The following SUCLG2 variants were observed in gnomAD, a reference collection of about 807,000 sequenced individuals.
SUCLG2 encodes the protein succinate--CoA ligase [GDP-forming] subunit beta, mitochondrial.
In SUCLG2, 42 loss-of-function variants were observed where a neutral mutation model predicts 47.9. The observed-to-expected ratio is 0.88, with a 90% CI of 0.69 to 1.14. SUCLG2 has a LOEUF of 1.14. Ranked by LOEUF, SUCLG2 falls within the 50% of genes most tolerant of loss-of-function variation. The probability of loss-of-function intolerance (pLI) is 0.00; values close to 1 mark genes in which losing one functional copy is unlikely to be tolerated. For synonymous variants in SUCLG2, 195 were observed against 197.3 expected (o/e 0.99, Z 0.10); for missense variants, 571 against 525.9 (o/e 1.09, Z -0.84).
chr3:67,410,967 G>A (rs140994346), intron 9 of SUCLG2, among the ~76,000 whole-genome samples: 4 of 152,216 alleles, frequency 2.6e-5, no homozygotes, highest in African/African-American at 9.6e-5. Context: ...GCCATATTTT[G>A]TTCAATCATC....
chr3:67,408,737 A>C, intron 9 of SUCLG2: 1 of 1,327,610 alleles, frequency 7.5e-7, no homozygotes, highest in South Asian at 2.2e-5. Flanking sequence ...ATTAAGGTTT[A>C]TTGAGTGTTA....
intron 9 of SUCLG2, among the ~76,000 whole-genome samples, chr3:67,478,763 C>T (rs371231768): frequency 3.3e-5 from 5 of 152,182 alleles, no homozygotes; most frequent in South Asian, 2.1e-4. Context: ...TCAAAGTACA[C>T]GAGTTCCTGA....
chr3:67,584,525 T>C (rs1707961536), intron 2 of SUCLG2, among the ~76,000 whole-genome samples: 1 of 152,214 alleles, frequency 6.6e-6, no homozygotes, highest in Non-Finnish European at 1.5e-5. Context: ...AATATCATGA[T>C]ACCATGTTTT....
intron 2 of SUCLG2, among the ~76,000 whole-genome samples, chr3:67,601,164 C>A (rs1231420816): frequency 1.3e-5 from 2 of 151,760 alleles, no homozygotes; most frequent in Non-Finnish European, 2.9e-5. Flanking sequence ...AGTACCTCAC[C>A]AAATTTATAA....
chr3:67,376,253 C>CATAGTT, intron 10 of SUCLG2: 20 of 985,404 alleles, frequency 2.0e-5, no homozygotes, highest in Non-Finnish European at 2.4e-5. Flanking sequence ...CGAGAATCTG[C>CATAGTT]CCAGCTATGT....
At chr3:67,524,538 T>C (rs1011280015) in intron 4 of SUCLG2, among the ~76,000 whole-genome samples, 1 of 152,192 alleles carries the variant, frequency 6.6e-6, no homozygotes, top group Non-Finnish European at 1.5e-5. Flanking sequence ...CAGGAATACA[T>C]AACACATTGG....
chr3:67,642,487 G>A (rs1472230393), intron 1 of SUCLG2, among the ~76,000 whole-genome samples: 1 of 152,078 alleles, frequency 6.6e-6, no homozygotes, highest in Non-Finnish European at 1.5e-5. Context: ...GCATGCACCT[G>A]TAGTCCCAGC....
chr3:67,517,919 G>T (rs151270034), intron 6 of SUCLG2, among the ~76,000 whole-genome samples: 2 of 152,038 alleles, frequency 1.3e-5, no homozygotes, highest in Admixed American at 1.3e-4. Context: ...ACTAAAGTTC[G>T]AATGAGCTGT....
At chr3:67,430,129 C>G (rs1703436670) in intron 9 of SUCLG2, among the ~76,000 whole-genome samples, 1 of 152,174 alleles carries the variant, frequency 6.6e-6, no homozygotes, top group South Asian at 2.1e-4. Flanking sequence ...TTCTGCACCC[C>G]AAATCAACAG....
chr3:67,564,783 G>A (rs1707408526), intron 2 of SUCLG2, among the ~76,000 whole-genome samples: 1 of 152,130 alleles, frequency 6.6e-6, no homozygotes, highest in Admixed American at 6.5e-5. Context: ...TTCCACTATG[G>A]CCCAAGGAAG....
At chr3:67,579,474 A>G (rs1707827650) in intron 2 of SUCLG2, among the ~76,000 whole-genome samples, 1 of 152,190 alleles carries the variant, frequency 6.6e-6, no homozygotes, top group Non-Finnish European at 1.5e-5. Context: ...ATCATTTTTT[A>G]AAAATCTTAT....
At chr3:67,633,509 T>C (rs113836201) in intron 1 of SUCLG2, among the ~76,000 whole-genome samples, 9 of 152,210 alleles carry the variant, frequency 5.9e-5, no homozygotes, top group African/African-American at 1.9e-4. Context: ...TCATGTTCTA[T>C]AGCCTATAAA....
intron 1 of SUCLG2, among the ~76,000 whole-genome samples, chr3:67,612,238 A>T (rs780424511): frequency 6.6e-6 from 1 of 152,150 alleles, no homozygotes; most frequent in African/African-American, 2.4e-5. Context: ...GCATGCCCAC[A>T]GTACCAGCTA....
At chr3:67,360,653 A>C in exon 11 of SUCLG2, 1 of 1,510,940 alleles carries the variant, frequency 6.6e-7, no homozygotes, top group Non-Finnish European at 8.8e-7. Flanking sequence ...TGCTGATGGC[A>C]CACTTACTCA....
intron 2 of SUCLG2, among the ~76,000 whole-genome samples, chr3:67,564,540 CT>C (rs1446460615): frequency 3.9e-5 from 6 of 152,238 alleles, no homozygotes; most frequent in African/African-American, 1.2e-4. Context: ...CCTGCAGGTA[CT>C]ATGCATCCCT....
intron 9 of SUCLG2, among the ~76,000 whole-genome samples, chr3:67,448,167 CA>C (rs1294410167): frequency 3.3e-5 from 5 of 151,956 alleles, no homozygotes; most frequent in African/African-American, 9.7e-5. Flanking sequence ...AAAAAATCCC[CA>C]AAAAACTATG....
intron 2 of SUCLG2, among the ~76,000 whole-genome samples, chr3:67,565,589 G>A (rs1468101173): frequency 6.6e-6 from 1 of 152,192 alleles, no homozygotes; most frequent in African/African-American, 2.4e-5. Flanking sequence ...CTGCCCCTGA[G>A]AAGCATTTCT....
chr3:67,550,665 G>A (rs1489233723), intron 2 of SUCLG2, among the ~76,000 whole-genome samples: 1 of 152,160 alleles, frequency 6.6e-6, no homozygotes, highest in African/African-American at 2.4e-5. Context: ...GTCTTACCAA[G>A]TTTACCATCT....
chr3:67,376,467 A>G, intron 10 of SUCLG2: 1 of 985,374 alleles, frequency 1.0e-6, no homozygotes. Context: ...ACTATTTAAC[A>G]TGAGAACTGC....
Sources: gnomAD v4.1 joint callset for allele counts (sites outside exome capture counted in the v4.1 genomes callset) on GRCh38, gnomAD v4.1.1 for gene constraint, MANE v1.5 for transcripts, NCBI Gene and HGNC (gene_info 2026-07-23, HGNC 2026-07-21) for gene names.